Variants in TBC1D14 observed in about 807,000 individuals in gnomAD.
TBC1D14 encodes TBC1 domain family member 14, also known as TBC1 domain family, member 14.
In TBC1D14, 26 loss-of-function variants were observed where a neutral mutation model predicts 79.0. The ratio of observed to expected loss-of-function variants is 0.33; its 90% CI spans 0.24 to 0.46. TBC1D14 has a LOEUF of 0.46. Ranked by LOEUF, TBC1D14 falls within the 20% of genes least tolerant of loss-of-function variation. The pLI, the probability that TBC1D14 is intolerant of heterozygous loss-of-function variation, is 1.00. For missense variants in TBC1D14, 769 were observed against 887.6 expected (o/e 0.87, Z 1.70); for synonymous variants, 394 against 349.9 (o/e 1.13, Z -1.40).
intron 2 of TBC1D14, among the ~76,000 whole-genome samples, chr4:6,939,520 G>A (rs1358514420): frequency 6.6e-6 from 1 of 152,102 alleles, no homozygotes; most frequent in African/African-American, 2.4e-5. Context: ...GAATTCAGAC[G>A]TCATCCCTTT....
intron 8 of TBC1D14, among the ~76,000 whole-genome samples, chr4:7,005,832 T>G (rs1720139934): frequency 6.6e-6 from 1 of 152,214 alleles, no homozygotes; most frequent in Non-Finnish European, 1.5e-5. Context: ...GTGTCTGGGA[T>G]TAGTTGAATA....
chr4:6,987,947 C>G (rs1024718301), intron 3 of TBC1D14, among the ~76,000 whole-genome samples: 3 of 152,222 alleles, frequency 2.0e-5, no homozygotes, highest in Admixed American at 2.0e-4. Context: ...TTCCCAGTAA[C>G]TTAGAGAACG....
intron 3 of TBC1D14, among the ~76,000 whole-genome samples, chr4:6,971,445 C>A (rs1278073321): frequency 6.6e-6 from 1 of 152,228 alleles, no homozygotes. Flanking sequence ...TCTAACTGGG[C>A]TGCATTCTTT....
At chr4:6,924,551 C>T (rs895983292) in intron 2 of TBC1D14, among the ~76,000 whole-genome samples, 2 of 152,298 alleles carry the variant, frequency 1.3e-5, no homozygotes, top group East Asian at 1.9e-4. Flanking sequence ...GTGTTCCAGC[C>T]GTGTCCCCGT....
rs1010684781 is a variant in TBC1D14 at position 6,967,403 on chromosome 4, G to A, written c.822G>A (p.Lys274=). 6.2e-7 allele frequency: 1 copy of A among 1,613,714 alleles called. No homozygotes were observed. ...CGCCACTCCGAGAGAATGCCCAGAA[G>A]GATTCAAAGAGAATACAGAAGGTAC... ...GKAPLRENAQ[K]DSKRIQKEYE... is the part of the protein sequence containing the mutation. The change falls in exon 3 of 14, where the codon AAG becomes AAA. Residue 274 remains lysine (K), a synonymous_variant. Coordinates refer to ENST00000409757, the MANE Select transcript of TBC1D14 (RefSeq NM_020773.3).
At chr4:6,918,662 G>A (rs1723594678) in intron 1 of TBC1D14, among the ~76,000 whole-genome samples, 1 of 152,216 alleles carries the variant, frequency 6.6e-6, no homozygotes, top group African/African-American at 2.4e-5. Context: ...TTTCAGCTGG[G>A]CCTGCGAGAG....
chr4:6,972,725 AGAACCCAT>A (rs1716329973), intron 3 of TBC1D14, among the ~76,000 whole-genome samples: 1 of 152,194 alleles, frequency 6.6e-6, no homozygotes. Flanking sequence ...ACAGAAACTA[AGAACCCAT>A]GACTGTATTC....
rs189574508 is a variant in TBC1D14 at position 7,010,793 on chromosome 4, C to T, written c.1647+12C>T. 9 of 1,612,162 alleles carry T rather than the reference C, an allele frequency of 5.6e-6. No individual in the cohort carries two copies. Among genetic ancestry groups the T allele is most frequent in the Admixed American group, 1.7e-5 (1 of 59,682 alleles). On this transcript the variant is annotated intron_variant, in intron 11 of 13. Transcript: ENST00000409757. ...TGGACCATGGCCTTGTGAGTATCCTCTGTGTTCGGGCCCTGGGTACTGTGT... is the reference window on the plus strand; with the variant it reads ...TGGACCATGGCCTTGTGAGTATCCTTTGTGTTCGGGCCCTGGGTACTGTGT...
chr4:6,931,007 TCTC>T (rs1416916909), intron 2 of TBC1D14, among the ~76,000 whole-genome samples: 1 of 151,942 alleles, frequency 6.6e-6, no homozygotes, highest in Non-Finnish European at 1.5e-5. Context: ...TTCAAACGCT[TCTC>T]CTGCCTCAGC....
intron 12 of TBC1D14, among the ~76,000 whole-genome samples, chr4:7,024,510 G>A (rs1722146131): frequency 6.6e-6 from 1 of 152,236 alleles, no homozygotes; most frequent in South Asian, 2.1e-4. Flanking sequence ...TGGAGCTAGG[G>A]TGTGCCATGA....
chr4:6,950,809 G>A (rs1053641238), intron 2 of TBC1D14, among the ~76,000 whole-genome samples: 1 of 152,060 alleles, frequency 6.6e-6, no homozygotes, highest in African/African-American at 2.4e-5. Flanking sequence ...GATTTGATTT[G>A]CATATTTTGT....
At chr4:7,001,807 A>G (rs1425392436) in intron 7 of TBC1D14, among the ~76,000 whole-genome samples, 1 of 152,102 alleles carries the variant, frequency 6.6e-6, no homozygotes, top group Non-Finnish European at 1.5e-5. Context: ...TCACTTCCCC[A>G]GGTGTCCTGA....
chr4:6,929,840 C>G (rs1053628704), intron 2 of TBC1D14, among the ~76,000 whole-genome samples: 15 of 152,186 alleles, frequency 9.9e-5, no homozygotes, highest in African/African-American at 3.4e-4. Flanking sequence ...GTTCTGAGCT[C>G]AGCTTCTGGG....
intron 3 of TBC1D14, among the ~76,000 whole-genome samples, chr4:6,980,417 C>T (rs1356168306): frequency 2.0e-5 from 3 of 151,978 alleles, no homozygotes; most frequent in Non-Finnish European, 2.9e-5. Flanking sequence ...TTAAAATGCT[C>T]ACATAGAAAA....
rs534240579 is a variant in TBC1D14, at chr4:6,921,886, G to A, written c.-17-1487G>A. ...TAATTTTTGTATTTTTAGTAGAGAT[G>A]GGGTTTCACCATGTTGGCCAGGCTG... On this transcript the variant is annotated intron_variant, in intron 1 of 13. Transcript: ENST00000409757. Among the ~76,000 whole-genome samples, 11 of 152,052 alleles carry A rather than the reference G, an allele frequency of 7.2e-5. No homozygotes were observed. In the South Asian group the frequency reaches 2.3e-3, roughly 32 times the overall value.
At chr4:6,956,348 G>A (rs896786839) in intron 2 of TBC1D14, among the ~76,000 whole-genome samples, 3 of 152,180 alleles carry the variant, frequency 2.0e-5, no homozygotes, top group African/African-American at 7.2e-5. Flanking sequence ...GCTCACTGTG[G>A]CCACATCTTC....
At chr4:6,987,101 T>G in intron 3 of TBC1D14, 11 of 512,514 alleles carry the variant, frequency 2.1e-5, no homozygotes, top group East Asian at 1.9e-4. Flanking sequence ...TGCCCGCCCC[T>G]CGCCGCTCAT....
chr4:7,025,753 T>C (rs1722301811), intron 13 of TBC1D14, among the ~76,000 whole-genome samples: 1 of 152,228 alleles, frequency 6.6e-6, no homozygotes, highest in African/African-American at 2.4e-5. Flanking sequence ...GGGTCCCTCC[T>C]GGGTCTTCCC....
chr4:6,955,062 T>A (rs1714498038), intron 2 of TBC1D14, among the ~76,000 whole-genome samples: 1 of 152,256 alleles, frequency 6.6e-6, no homozygotes, highest in African/African-American at 2.4e-5. Flanking sequence ...ACTTTCTTTC[T>A]TCGTGTTTCC....
Sources: allele counts gnomAD v4.1 joint callset (sites outside exome capture counted in the v4.1 genomes callset), GRCh38; gene constraint gnomAD v4.1.1; transcripts MANE v1.5; gene names NCBI Gene and HGNC (gene_info 2026-07-23, HGNC 2026-07-21).